MDGA2: variants seen among roughly 807,000 people sequenced by gnomAD.
The protein encoded by MDGA2 is MAM domain-containing glycosylphosphatidylinositol anchor protein 2.
A neutral mutation model predicts 117.8 loss-of-function variants in MDGA2; 40 were observed. That is an observed-to-expected ratio of 0.34 (90% CI 0.26 to 0.44). The LOEUF (loss-of-function observed/expected upper bound fraction) is 0.44, where lower values mean the gene tolerates loss of function less well. Ranked by LOEUF, MDGA2 falls within the 20% of genes least tolerant of loss-of-function variation. The pLI, the probability that MDGA2 is intolerant of heterozygous loss-of-function variation, is 1.00. For missense variants in MDGA2, 1,123 were observed against 1,250.6 expected, an observed-to-expected ratio of 0.90 and a Z score of 1.54; for synonymous variants, 452 against 439.0, an observed-to-expected ratio of 1.03 and a Z score of -0.37.
intron 2 of MDGA2, among the ~76,000 whole-genome samples, chr14:47,235,289 T>C (rs1886820934): frequency 6.6e-6 from 1 of 152,206 alleles, no homozygotes; most frequent in African/African-American, 2.4e-5. Context: ...ATTTATTACT[T>C]AAAAGTTTTG....
Position 47,242,599 on chromosome 14 carries a change from G to A in MDGA2, c.421-24404C>T, listed in dbSNP as rs568207846. ...ACTTAGCACCCGGGCCAGTGGCTGCGGAGGGTGTACTGAGTCCCCCAGCAG... is the reference window on the plus strand; with the variant it reads ...ACTTAGCACCCGGGCCAGTGGCTGCAGAGGGTGTACTGAGTCCCCCAGCAG... On this transcript the variant is annotated intron_variant, in intron 2 of 16. Coordinates refer to ENST00000399232, the MANE Select transcript of MDGA2 (RefSeq NM_001113498.3). Among the ~76,000 whole-genome samples, 998 of 151,962 alleles carry A rather than the reference G, an allele frequency of 6.6e-3. 16 individuals are homozygous for A. Among genetic ancestry groups the A allele is most frequent in the African/African-American group, 0.022 (931 of 41,536 alleles).
chr14:47,070,699 G>A (rs144932686), intron 6 of MDGA2, among the ~76,000 whole-genome samples: 1 of 152,116 alleles, frequency 6.6e-6, no homozygotes, highest in Non-Finnish European at 1.5e-5. Flanking sequence ...TCTGCCTCCT[G>A]GGTTCAAGCA....
intron 14 of MDGA2, among the ~76,000 whole-genome samples, chr14:46,872,378 G>A (rs746859519): frequency 1.4e-4 from 22 of 151,778 alleles, no homozygotes; most frequent in Middle Eastern, 3.4e-3. Context: ...TAATCTCTGC[G>A]TATTGAAAAC....
At chr14:47,301,649 T>A in intron 1 of MDGA2, 99 bp from the exon 2 acceptor site, 1 of 1,250,452 alleles carries the variant, frequency 8.0e-7, no homozygotes, top group Non-Finnish European at 1.1e-6. Context: ...TTATTAGACT[T>A]CACCATAGTC....
intron 5 of MDGA2, among the ~76,000 whole-genome samples, chr14:47,128,795 C>T (rs1269335620): frequency 6.6e-6 from 1 of 150,950 alleles, no homozygotes; most frequent in Non-Finnish European, 1.5e-5. Context: ...CCTGAGTTCA[C>T]GCCATTTTCC....
intron 1 of MDGA2, among the ~76,000 whole-genome samples, chr14:47,424,524 T>A (rs1385481500): frequency 2.0e-5 from 3 of 152,158 alleles, no homozygotes; most frequent in Non-Finnish European, 4.4e-5. Context: ...CAGAACTATA[T>A]CCCTTATACT....
chr14:47,140,510 C>T (rs1016611890), intron 4 of MDGA2, among the ~76,000 whole-genome samples: 1 of 152,054 alleles, frequency 6.6e-6, no homozygotes, highest in South Asian at 2.1e-4. Context: ...GAATAGACAG[C>T]ACATAACCAA....
chr14:47,100,961 C>A lies in MDGA2; in HGVS notation c.926-3838G>T, dbSNP rs565829233. Reference sequence around the variant, plus strand: ...TTCCAACATGTAATAATGGAAGGCACAGGTCATGATAGACATTGCCACAGA... The same window carrying A: ...TTCCAACATGTAATAATGGAAGGCAAAGGTCATGATAGACATTGCCACAGA... On this transcript the variant is annotated intron_variant, in intron 5 of 16. Coordinates refer to ENST00000399232, the MANE Select transcript of MDGA2 (RefSeq NM_001113498.3). 3.9e-5 allele frequency among the ~76,000 whole-genome samples: 6 copies of A among 152,088 alleles called. 1 individual carries two copies. In the South Asian group the frequency reaches 1.2e-3, roughly 32 times the overall value.
intron 14 of MDGA2, among the ~76,000 whole-genome samples, chr14:46,862,494 AT>A (rs1409608114): frequency 1.3e-5 from 2 of 150,128 alleles, no homozygotes; most frequent in African/African-American, 4.9e-5. Flanking sequence ...TCTTAACATA[AT>A]TTTACTTTTA....
chr14:47,124,446 T>A (rs955663320), intron 5 of MDGA2, among the ~76,000 whole-genome samples: 3 of 152,102 alleles, frequency 2.0e-5, no homozygotes, highest in Non-Finnish European at 4.4e-5. Context: ...TTAATTTGAG[T>A]TCTCAGTGAG....
chr14:46,997,992 T>C (rs1887359404), intron 8 of MDGA2, among the ~76,000 whole-genome samples: 1 of 152,100 alleles, frequency 6.6e-6, no homozygotes, highest in Non-Finnish European at 1.5e-5. Flanking sequence ...TTGAAGACTT[T>C]TGAATAATCC....
chr14:47,291,272 C>T (rs984483796), intron 2 of MDGA2, among the ~76,000 whole-genome samples: 18 of 152,116 alleles, frequency 1.2e-4, no homozygotes, highest in African/African-American at 3.9e-4. Context: ...CCATAGAATC[C>T]AAAGGTCTAT....
chr14:47,301,753 A>G (rs959394991), intron 1 of MDGA2, among the ~76,000 whole-genome samples: 1 of 152,224 alleles, frequency 6.6e-6, no homozygotes, highest in Non-Finnish European at 1.5e-5. Context: ...TGACCAACAC[A>G]TTTCCAGGGG....
chr14:47,181,076 T>G (rs1594701973), intron 3 of MDGA2, among the ~76,000 whole-genome samples: 2 of 152,204 alleles, frequency 1.3e-5, no homozygotes, highest in African/African-American at 4.8e-5. Flanking sequence ...TCTATTTATT[T>G]AAAATATTTA....
At chr14:46,972,333 C>G (rs1886301904) in intron 8 of MDGA2, among the ~76,000 whole-genome samples, 1 of 151,934 alleles carries the variant, frequency 6.6e-6, no homozygotes, top group South Asian at 2.1e-4. Flanking sequence ...TAAATAAATC[C>G]AATTTATTCA....
At chr14:47,124,807 A>T (rs1020719277) in intron 5 of MDGA2, among the ~76,000 whole-genome samples, 1 of 152,118 alleles carries the variant, frequency 6.6e-6, no homozygotes, top group African/African-American at 2.4e-5. Context: ...GAAAGGTTAT[A>T]TGAAGACACA....
At chr14:47,223,111 T>A (rs1180255243) in intron 2 of MDGA2, among the ~76,000 whole-genome samples, 2 of 152,136 alleles carry the variant, frequency 1.3e-5, no homozygotes, top group Non-Finnish European at 2.9e-5. Flanking sequence ...ACCCGTCAGA[T>A]CTTGTGAGAC....
intron 1 of MDGA2, among the ~76,000 whole-genome samples, chr14:47,306,973 G>A (rs111489853): frequency 6.6e-6 from 1 of 152,146 alleles, no homozygotes; most frequent in African/African-American, 2.4e-5. Flanking sequence ...CTGTCATTCT[G>A]TTTTGCTTGT....
intron 5 of MDGA2, among the ~76,000 whole-genome samples, chr14:47,119,354 C>G (rs911605177): frequency 6.6e-6 from 1 of 152,072 alleles, no homozygotes; most frequent in Non-Finnish European, 1.5e-5. Context: ...CGTGAGCCAC[C>G]GGGCCCGGCC....
Sources: gnomAD v4.1 joint callset for allele counts (sites outside exome capture counted in the v4.1 genomes callset) on GRCh38, gnomAD v4.1.1 for gene constraint, MANE v1.5 for transcripts, NCBI Gene and HGNC (gene_info 2026-07-23, HGNC 2026-07-21) for gene names.